The following UTRN variants were observed in gnomAD, a reference collection of about 807,000 sequenced individuals.
UTRN encodes the protein utrophin, also known as dystrophin-related protein 1.
UTRN carries 283 observed loss-of-function variants against 463.9 expected under a neutral mutation model. The ratio of observed to expected loss-of-function variants is 0.61; its 90% CI spans 0.55 to 0.67. The LOEUF is 0.67. UTRN is among the 30% of genes least tolerant of loss of function. The pLI is 0.00. For missense variants in UTRN, 3,922 were observed against 4,084.3 expected (o/e 0.96, Z 1.08); for synonymous variants, 1,442 against 1,431.5 (o/e 1.01, Z -0.17).
At chr6:144,656,412 A>AAAGT (rs1347741561) in intron 51 of UTRN, among the ~76,000 whole-genome samples, 1 of 152,196 alleles carries the variant, frequency 6.6e-6, no homozygotes, top group Non-Finnish European at 1.5e-5. Context: ...TTAAACTAAG[A>AAAGT]AAGTACTCTT....
intron 66 of UTRN, among the ~76,000 whole-genome samples, chr6:144,824,607 TATATATC>T (rs1562955084): frequency 0.02 from 958 of 48,294 alleles, 21 homozygotes; most frequent in East Asian, 0.037. Flanking sequence ...TATATATATA[TATATATC>T]TTTTTTTTTT....
At chr6:144,543,961 A>G (rs1246371413) in intron 46 of UTRN, among the ~76,000 whole-genome samples, 7 of 152,210 alleles carry the variant, frequency 4.6e-5, no homozygotes, top group African/African-American at 1.7e-4. Context: ...ACATTTGGGT[A>G]CTGCTGCTTT....
chr6:144,375,561 C>A (rs1780377507), intron 2 of UTRN, among the ~76,000 whole-genome samples: 1 of 152,090 alleles, frequency 6.6e-6, no homozygotes, highest in Non-Finnish European at 1.5e-5. Flanking sequence ...TTTTGTTTTC[C>A]AGGCTCTTTG....
intron 2 of UTRN, among the ~76,000 whole-genome samples, chr6:144,385,880 T>C (rs58595212): frequency 0.013 from 1,908 of 152,216 alleles, 40 homozygotes; most frequent in African/African-American, 0.043. Context: ...GGCTAATTTT[T>C]GTATTTTTAG....
At chr6:144,805,605 C>T (rs1470440647) in intron 65 of UTRN, among the ~76,000 whole-genome samples, 1 of 152,182 alleles carries the variant, frequency 6.6e-6, no homozygotes, top group Non-Finnish European at 1.5e-5. Flanking sequence ...GGTTACACAA[C>T]TGGAAGTGCC....
chr6:144,636,306 C>T (rs1777168029), intron 51 of UTRN, among the ~76,000 whole-genome samples: 1 of 151,952 alleles, frequency 6.6e-6, no homozygotes, highest in Admixed American at 6.6e-5. Flanking sequence ...AAACCAAACC[C>T]TGCATGTTCT....
At chr6:144,677,517 GA>G (rs1748140663) in intron 51 of UTRN, among the ~76,000 whole-genome samples, 2 of 152,104 alleles carry the variant, frequency 1.3e-5, no homozygotes, top group African/African-American at 4.8e-5. Context: ...GTCTATCATT[GA>G]TGGGCATTTG....
intron 62 of UTRN, 115 bp downstream of exon 62, chr6:144,789,394 T>C: frequency 1.1e-6 from 1 of 914,782 alleles, no homozygotes; most frequent in East Asian, 2.8e-5. Flanking sequence ...CTCTCTTTTT[T>C]TAACCCTTAC....
At chr6:144,370,756 G>A (rs965546624) in intron 2 of UTRN, among the ~76,000 whole-genome samples, 1 of 152,156 alleles carries the variant, frequency 6.6e-6, no homozygotes, top group African/African-American at 2.4e-5. Context: ...CCACAGGGTC[G>A]GAGCTGCCCA....
intron 19 of UTRN, among the ~76,000 whole-genome samples, chr6:144,457,031 T>G (rs1159201890): frequency 6.6e-6 from 1 of 152,234 alleles, no homozygotes; most frequent in Admixed American, 6.5e-5. Context: ...ATTTTGCCTT[T>G]TGACTAGTCA....
intron 69 of UTRN, among the ~76,000 whole-genome samples, chr6:144,835,119 A>G (rs1009065023): frequency 6.6e-6 from 1 of 152,256 alleles, no homozygotes; most frequent in Non-Finnish European, 1.5e-5. Context: ...GTCAGTTACT[A>G]ATTCAACCAC....
intron 2 of UTRN, among the ~76,000 whole-genome samples, chr6:144,386,640 T>C (rs1781444615): frequency 6.6e-6 from 1 of 152,222 alleles, no homozygotes. Flanking sequence ...TTTTAAACTG[T>C]GATGTCCATG....
At chr6:144,836,232 TCA>T in intron 70 of UTRN, 67 bp from the exon 71 acceptor site, 1 of 1,600,174 alleles carries the variant, frequency 6.2e-7, no homozygotes, top group Non-Finnish European at 8.5e-7. Context: ...AATTTGAACC[TCA>T]CAGACGATTT....
At chr6:144,571,765 G>C (rs991063432) in intron 50 of UTRN, among the ~76,000 whole-genome samples, 7 of 152,070 alleles carry the variant, frequency 4.6e-5, no homozygotes, top group African/African-American at 1.7e-4. Context: ...TATATGCCTA[G>C]TTTTCTTTGC....
At chr6:144,363,748 A>T (rs1327904737) in intron 2 of UTRN, among the ~76,000 whole-genome samples, 1 of 151,908 alleles carries the variant, frequency 6.6e-6, no homozygotes, top group Non-Finnish European at 1.5e-5. Flanking sequence ...GAGAGAAACC[A>T]TCTAAAGCCT....
At chr6:144,323,948 C>G (rs1775821294) in intron 2 of UTRN, among the ~76,000 whole-genome samples, 1 of 152,194 alleles carries the variant, frequency 6.6e-6, no homozygotes, top group South Asian at 2.1e-4. Context: ...TCTTTCTGAT[C>G]TGCAAGGTGG....
chr6:144,442,694 G>A (rs1424547686), intron 13 of UTRN, among the ~76,000 whole-genome samples: 1 of 152,154 alleles, frequency 6.6e-6, no homozygotes, highest in East Asian at 1.9e-4. Context: ...AATGAGAACA[G>A]CATGGGAAAG....
chr6:144,635,443 G>GCCCAGCCT (rs1018950594), intron 51 of UTRN, among the ~76,000 whole-genome samples: 1 of 149,326 alleles, frequency 6.7e-6, no homozygotes, highest in African/African-American at 2.5e-5. Flanking sequence ...GAGCCACCAT[G>GCCCAGCCT]CCCAGCCTGC....
chr6:144,798,669 A>T (rs1174318769), intron 64 of UTRN, among the ~76,000 whole-genome samples: 2 of 152,208 alleles, frequency 1.3e-5, no homozygotes, highest in East Asian at 3.8e-4. Flanking sequence ...AAATAGCCCC[A>T]GTTTAATTTG....
Sources: gnomAD v4.1 joint callset for allele counts (sites outside exome capture counted in the v4.1 genomes callset) on GRCh38, gnomAD v4.1.1 for gene constraint, MANE v1.5 for transcripts, NCBI Gene and HGNC (gene_info 2026-07-23, HGNC 2026-07-21) for gene names.